The following PILRB variants were observed in gnomAD, a reference collection of about 807,000 sequenced individuals.
PILRB encodes the protein paired immunoglobin like type 2 receptor beta.
Under a neutral mutation model 20.5 loss-of-function variants are expected in PILRB, and 21 were observed. The ratio of observed to expected loss-of-function variants is 1.02; its 90% CI spans 0.72 to 1.47. The LOEUF is 1.47. Ranked by LOEUF, PILRB falls within the 40% of genes most tolerant of loss-of-function variation. The pLI is 0.00. For missense variants in PILRB, 253 were observed against 272.1 expected (o/e 0.93, Z 0.49); for synonymous variants, 133 against 115.1 (o/e 1.16, Z -0.99).
chr7:100,366,173 C>T (rs778273486), intron 3 of PILRB, among the ~76,000 whole-genome samples: 5 of 152,084 alleles, frequency 3.3e-5, no homozygotes, highest in East Asian at 1.9e-4. Flanking sequence ...AGGCTGATCT[C>T]GAACTCCTGA....
At chr7:100,365,036 G>A (rs1434632224) in intron 3 of PILRB, among the ~76,000 whole-genome samples, 2 of 152,056 alleles carry the variant, frequency 1.3e-5, no homozygotes, top group Non-Finnish European at 2.9e-5. Flanking sequence ...GTCCTGCTTT[G>A]TCACCCAGGC....
intron 3 of PILRB, 120 bp downstream of exon 3, chr7:100,359,657 A>G: frequency 1.2e-6 from 1 of 835,346 alleles, no homozygotes; most frequent in South Asian, 1.6e-5. Flanking sequence ...AAGCCCACCA[A>G]GGCCGACTCT....
At chr7:100,359,920 G>A (rs1470594195) in intron 3 of PILRB, among the ~76,000 whole-genome samples, 1 of 152,210 alleles carries the variant, frequency 6.6e-6, no homozygotes, top group Non-Finnish European at 1.5e-5. Flanking sequence ...CTACTCAGGA[G>A]GCTGAGGCAG....
intron 3 of PILRB, among the ~76,000 whole-genome samples, chr7:100,365,986 C>T (rs973249813): frequency 7.3e-6 from 1 of 137,464 alleles, no homozygotes; most frequent in Admixed American, 7.7e-5. Flanking sequence ...CAGAGTCTCG[C>T]TTTGTCACCC....
intron 3 of PILRB, among the ~76,000 whole-genome samples, chr7:100,361,367 A>T (rs1288792614): frequency 6.6e-6 from 1 of 152,188 alleles, no homozygotes; most frequent in Non-Finnish European, 1.5e-5. Flanking sequence ...CTACCTCAAT[A>T]TCCTCCAAAC....
intron 2 of PILRB, 22 bp downstream of exon 2, chr7:100,359,101 C>A (rs746860719): frequency 8.3e-5 from 134 of 1,613,528 alleles, no homozygotes; most frequent in Non-Finnish European, 1.1e-4. Flanking sequence ...TGCCCTGACA[C>A]CTGCCTTGCC....
In PILRB at chr7:100,358,360, C is replaced by T. The variant is rs1790423573; in HGVS notation, c.58C>T (p.Gln20Ter). 2 of 1,612,360 alleles carry T rather than the reference C, an allele frequency of 1.2e-6. No individual in the cohort carries two copies. Among genetic ancestry groups the T allele is most frequent in the African/African-American group, 1.3e-5 (1 of 74,950 alleles). ...LLLLQPPAFL[Q>*]PGGSTGSGPS... ...CCTGCTGCAGCCGCCAGCATTTCTG[C>T]AGCCTGGTGAGTACCCAGGACCGCC... is the stretch of plus-strand genomic sequence containing the variant. The change falls in exon 1 of 4, where the codon CAG becomes TAG. Residue 20 changes from glutamine to a stop codon, truncating the protein, a stop_gained. Transcript: ENST00000609309. LOFTEE classifies it high-confidence loss of function.
rs371008371 is a variant in PILRB at position 100,359,346 on chromosome 7, C to T, written c.464C>T (p.Thr155Ile). ...TCCTCATCTCTTCCAGCTGTCACAA[C>T]CACCACCACCTGGAGGCCCAGCAGC... ...TKLTITQAVT[T>I]TTTWRPSSTT... Residue 155 changes from threonine to isoleucine, a missense_variant, in exon 3 of 4, where the codon ACC becomes ATC. Coordinates refer to ENST00000609309, the MANE Select transcript of PILRB (RefSeq NM_178238.4). 11 of 1,613,728 alleles carry T rather than the reference C, an allele frequency of 6.8e-6. No homozygotes were observed. The highest frequency in any genetic ancestry group is 9.3e-6 in the Non-Finnish European group (11 of 1,179,768).
intron 2 of PILRB, 63 bp downstream of exon 2, chr7:100,359,142 T>C: frequency 6.3e-7 from 1 of 1,598,644 alleles, no homozygotes; most frequent in South Asian, 1.1e-5. Flanking sequence ...TGACCACTGA[T>C]GTCTTCACAT....
At position 100,367,478 on chromosome 7, in the gene PILRB, A is replaced by G; in HGVS notation, c.*101A>G. The G allele has an allele frequency of 1.3e-6, 1 of 760,110 alleles. No individual in the cohort carries two copies. Among genetic ancestry groups the G allele is most frequent in the Non-Finnish European group, 2.5e-6 (1 of 402,060 alleles). 47.1% of individuals were successfully genotyped at this position (760,110 alleles called of 1,614,324 possible). A position where few individuals can be genotyped will look rare whatever the true frequency, so the allele number is the denominator to read the frequency against. On this transcript the variant is annotated 3_prime_UTR_variant, in exon 4 of 4. Coordinates refer to ENST00000609309, the MANE Select transcript of PILRB (RefSeq NM_178238.4). ...CACTCGTTCCCCATTGGCAAGATAC[A>G]TGGAGAGCACCCTGAGGACCTTTAA...
At chr7:100,366,414 G>T (rs775131547) in intron 3 of PILRB, among the ~76,000 whole-genome samples, 2 of 152,178 alleles carry the variant, frequency 1.3e-5, no homozygotes, top group Non-Finnish European at 2.9e-5. Context: ...GGTTCAGAGG[G>T]TGTCTCTGTG....
intron 1 of PILRB, 67 bp downstream of exon 1, chr7:100,358,433 A>G: frequency 6.4e-7 from 1 of 1,569,428 alleles, no homozygotes; most frequent in Non-Finnish European, 8.7e-7. Context: ...CCCAAGACAA[A>G]GGCAGAACAT....
In PILRB at chr7:100,367,441, G is replaced by T. The variant is rs539677770; in HGVS notation, c.*64G>T. ...GGAGGACGTGATGTGAGACCCGCTT[G>T]TGAGTCCTCCACACTCGTTCCCCAT... On this transcript the variant is annotated 3_prime_UTR_variant, in exon 4 of 4. Coordinates refer to ENST00000609309, the MANE Select transcript of PILRB (RefSeq NM_178238.4). 1.3e-6 allele frequency: 1 copy of T among 777,458 alleles called. No individual in the cohort carries two copies. The highest frequency in any genetic ancestry group is 1.7e-5 in the Admixed American group (1 of 58,928). The allele number at this position is 777,458 out of a possible 1,614,324, so 48.2% of individuals were successfully genotyped here.
intron 2 of PILRB, 112 bp downstream of exon 2, chr7:100,359,191 C>A: frequency 6.6e-7 from 1 of 1,512,904 alleles, no homozygotes; most frequent in Non-Finnish European, 9.1e-7. Flanking sequence ...GTTAGCATTT[C>A]ACCTTGCTAC....
Position 100,359,096 on chromosome 7 carries a change from T to G in PILRB, c.454+17T>G. On this transcript the variant is annotated intron_variant, in intron 2 of 3. Coordinates refer to ENST00000609309, the MANE Select transcript of PILRB (RefSeq NM_178238.4). ...TCACCCAGGGTGAGTCCAGCTGCCCTGACACCTGCCTTGCCCACCGCAGTG... is the reference window on the plus strand; with the variant it reads ...TCACCCAGGGTGAGTCCAGCTGCCCGGACACCTGCCTTGCCCACCGCAGTG... 1 of 1,613,850 alleles carries G rather than the reference T, an allele frequency of 6.2e-7. No individual in the cohort carries two copies. The highest frequency in any genetic ancestry group is 8.5e-7 in the Non-Finnish European group (1 of 1,179,994).
In PILRB at chr7:100,358,833, T is replaced by C. The variant is rs779000935; in HGVS notation, c.208T>C (p.Ser70Pro). The C allele has an allele frequency of 6.2e-7, 1 of 1,613,982 alleles. No homozygotes were observed. Among genetic ancestry groups the C allele is most frequent in the Non-Finnish European group, 8.5e-7 (1 of 1,179,926 alleles). Reference protein sequence around the residue: ...ELAIVPNVRISWRRGHFHGQS... With the variant: ...ELAIVPNVRIPWRRGHFHGQS... ...AGCCATAGTTCCCAACGTGAGAATA[T>C]CCTGGAGACGGGGCCACTTCCACGG... The change falls in exon 2 of 4, where the codon TCC becomes CCC. Residue 70 changes from serine (S) to proline (P), a missense_variant. Ser to Pro is a moderately conservative substitution (Grantham distance 74). Coordinates refer to ENST00000609309, the MANE Select transcript of PILRB (RefSeq NM_178238.4).
chr7:100,359,345 A>G lies in PILRB; in HGVS notation c.463A>G (p.Thr155Ala), dbSNP rs1790459859. Residue 155 changes from threonine to alanine, a missense_variant, in exon 3 of 4, where the codon ACC becomes GCC. Thr to Ala is a moderately conservative substitution (Grantham distance 58, BLOSUM62 0). Transcript: ENST00000609309. ...TKLTITQAVT[T>A]TTTWRPSSTT... is the part of the protein sequence containing the mutation. Reference sequence around the variant, plus strand: ...TTCCTCATCTCTTCCAGCTGTCACAACCACCACCACCTGGAGGCCCAGCAG... The same window carrying G: ...TTCCTCATCTCTTCCAGCTGTCACAGCCACCACCACCTGGAGGCCCAGCAG... 1.9e-6 allele frequency: 3 copies of G among 1,613,678 alleles called. No homozygotes were observed. The highest frequency in any genetic ancestry group is 2.5e-6 in the Non-Finnish European group (3 of 1,179,738).
chr7:100,359,133 G>T, intron 2 of PILRB, 54 bp downstream of exon 2: 1 of 1,605,656 alleles, frequency 6.2e-7, no homozygotes, highest in South Asian at 1.1e-5. Context: ...GGGTTTTGGT[G>T]ACCACTGATG....
intron 3 of PILRB, among the ~76,000 whole-genome samples, chr7:100,361,031 G>C (rs181625554): frequency 1.3e-5 from 2 of 152,180 alleles, no homozygotes; most frequent in Non-Finnish European, 2.9e-5. Flanking sequence ...CCCCTCCTGG[G>C]TTCAAGCCAT....
Sources: allele counts gnomAD v4.1 joint callset (sites outside exome capture counted in the v4.1 genomes callset), GRCh38; gene constraint gnomAD v4.1.1; transcripts MANE v1.5; gene names NCBI Gene and HGNC (gene_info 2026-07-23, HGNC 2026-07-21).